The following RBPMS variants were observed in gnomAD, a reference collection of about 807,000 sequenced individuals.
The protein encoded by RBPMS is RNA-binding protein with multiple splicing.
A neutral mutation model predicts 26.8 loss-of-function variants in RBPMS; 7 were observed. That is an observed-to-expected ratio of 0.26 (90% CI 0.15 to 0.49). The LOEUF is 0.49. Among genes scored for constraint, RBPMS ranks in the 20% least tolerant of loss-of-function variants. The probability of loss-of-function intolerance (pLI) is 0.98; values close to 1 mark genes in which losing one functional copy is unlikely to be tolerated. For missense variants in RBPMS, 186 were observed against 250.0 expected (o/e 0.74, Z 1.73); for synonymous variants, 96 against 93.3 (o/e 1.03, Z -0.17).
intron 6 of RBPMS, chr8:30,553,089 C>T (rs1826532037): frequency 6.6e-6 from 1 of 152,234 alleles, no homozygotes; most frequent in Non-Finnish European, 1.5e-5. Context: ...TGACATTCTG[C>T]CTAGATCATA....
At chr8:30,556,706 C>CGA in intron 6 of RBPMS, 2 of 986,072 alleles carry the variant, frequency 2.0e-6, no homozygotes, top group Non-Finnish European at 2.4e-6. Flanking sequence ...CCGCCCCGTC[C>CGA]TTTCCCACCT....
intron 1 of RBPMS, among the ~76,000 whole-genome samples, chr8:30,426,082 A>G (rs1206825190): frequency 2.6e-5 from 4 of 152,212 alleles, no homozygotes; most frequent in African/African-American, 9.6e-5. Flanking sequence ...ACTGCTTTAA[A>G]GACGCAGCAC....
chr8:30,474,435 T>G (rs1035857712), intron 1 of RBPMS, among the ~76,000 whole-genome samples: 1 of 152,186 alleles, frequency 6.6e-6, no homozygotes, highest in African/African-American at 2.4e-5. Context: ...TCCTTCACAT[T>G]TTTAGAAGTG....
intron 6 of RBPMS, among the ~76,000 whole-genome samples, chr8:30,549,750 C>CTTTCCTTTT (rs1554543794): frequency 2.6e-5 from 2 of 76,210 alleles, no homozygotes; most frequent in Non-Finnish European, 2.9e-5. Context: ...TTCTTTCTTT[C>CTTTCCTTTT]CTTTTCTTTT....
chr8:30,388,982 C>T (rs1807455871), intron 1 of RBPMS, among the ~76,000 whole-genome samples: 1 of 152,154 alleles, frequency 6.6e-6, no homozygotes, highest in Non-Finnish European at 1.5e-5. Context: ...TTTTAAAGTG[C>T]TAATTTTGCC....
chr8:30,520,224 G>A (rs1428984723), intron 5 of RBPMS, among the ~76,000 whole-genome samples: 1 of 152,078 alleles, frequency 6.6e-6, no homozygotes, highest in African/African-American at 2.4e-5. Context: ...CTGAAATACA[G>A]GTCATCCAAA....
At chr8:30,447,664 G>A (rs13256027) in intron 1 of RBPMS, among the ~76,000 whole-genome samples, 70,332 of 151,940 alleles carry the variant, frequency 0.46, 16,316 homozygotes, top group Middle Eastern at 0.58. Context: ...AAAGAAAAAT[G>A]AATTCCATAA....
chr8:30,415,361 G>A (rs907313285), intron 1 of RBPMS, among the ~76,000 whole-genome samples: 11 of 152,286 alleles, frequency 7.2e-5, no homozygotes, highest in Admixed American at 7.2e-4. Flanking sequence ...AGCCTTGTCT[G>A]CTTTTCAGTC....
chr8:30,528,894 T>TA (rs1435816268), intron 5 of RBPMS, among the ~76,000 whole-genome samples: 4 of 104,656 alleles, frequency 3.8e-5, no homozygotes, highest in African/African-American at 8.2e-5. Context: ...CAACTCAGTA[T>TA]TTTTTTTTGG....
chr8:30,566,122 A>G, intron 7 of RBPMS, 135 bp from the exon 8 acceptor site: 1 of 229,636 alleles, frequency 4.4e-6, no homozygotes, highest in Non-Finnish European at 7.2e-6. Flanking sequence ...TCAGCTCAGC[A>G]GCAGAGGCCT....
At chr8:30,418,049 C>T (rs1810308434) in intron 1 of RBPMS, among the ~76,000 whole-genome samples, 2 of 151,984 alleles carry the variant, frequency 1.3e-5, no homozygotes, top group Admixed American at 1.3e-4. Flanking sequence ...CTTTTTTAAC[C>T]ATATGTCATT....
chr8:30,522,680 A>G (rs1304531419), intron 5 of RBPMS, among the ~76,000 whole-genome samples: 10 of 152,202 alleles, frequency 6.6e-5, no homozygotes, highest in Admixed American at 5.9e-4. Context: ...TTTCATAGGT[A>G]TATACTTATC....
intron 5 of RBPMS, among the ~76,000 whole-genome samples, chr8:30,519,986 GTATGAATACATCA>G (rs1333086276): frequency 6.6e-6 from 1 of 152,090 alleles, no homozygotes; most frequent in Non-Finnish European, 1.5e-5. Context: ...CCATTTCTGG[GTATGAATACATCA>G]TAGGCCATAC....
At chr8:30,513,922 G>A (rs939350603) in intron 5 of RBPMS, among the ~76,000 whole-genome samples, 1 of 152,118 alleles carries the variant, frequency 6.6e-6, no homozygotes, top group Non-Finnish European at 1.5e-5. Context: ...GTTCTCAAAA[G>A]CATGGTCCAC....
At chr8:30,533,085 T>A (rs1303863623) in intron 5 of RBPMS, among the ~76,000 whole-genome samples, 1 of 152,214 alleles carries the variant, frequency 6.6e-6, no homozygotes, top group Non-Finnish European at 1.5e-5. Context: ...CATTTTTGGA[T>A]CTTGTGGGCT....
chr8:30,431,291 C>G (rs1811895109), intron 1 of RBPMS, among the ~76,000 whole-genome samples: 1 of 152,144 alleles, frequency 6.6e-6, no homozygotes, highest in South Asian at 2.1e-4. Context: ...AATGTAGAGT[C>G]AAGGCCTACA....
chr8:30,435,827 T>G (rs1364448383), intron 1 of RBPMS, among the ~76,000 whole-genome samples: 3 of 152,146 alleles, frequency 2.0e-5, no homozygotes, highest in African/African-American at 4.8e-5. Context: ...TTTTAAGAGA[T>G]AGATTCTTGG....
intron 1 of RBPMS, among the ~76,000 whole-genome samples, chr8:30,464,397 T>C (rs1816271490): frequency 6.6e-6 from 1 of 152,152 alleles, no homozygotes; most frequent in Admixed American, 6.5e-5. Flanking sequence ...TTCTGATAAC[T>C]AAATATTGGG....
chr8:30,442,348 G>A (rs1298752849), intron 1 of RBPMS, among the ~76,000 whole-genome samples: 1 of 152,066 alleles, frequency 6.6e-6, no homozygotes, highest in Non-Finnish European at 1.5e-5. Flanking sequence ...CCAAGTCTCA[G>A]TCGCTTTTCA....
Sources: allele counts gnomAD v4.1 joint callset (sites outside exome capture counted in the v4.1 genomes callset), GRCh38; gene constraint gnomAD v4.1.1; transcripts MANE v1.5; gene names NCBI Gene and HGNC (gene_info 2026-07-23, HGNC 2026-07-21).